Variants in STON2 observed in about 807,000 individuals in gnomAD.
STON2 encodes the protein stonin-2.
Under a neutral mutation model 65.7 loss-of-function variants are expected in STON2, and 29 were observed. The ratio of observed to expected loss-of-function variants is 0.44; its 90% CI spans 0.33 to 0.60. STON2 has a LOEUF of 0.60. STON2 is among the 20% of genes least tolerant of loss of function. STON2 has a pLI of 0.03. For synonymous variants in STON2, 404 were observed against 414.2 expected, an observed-to-expected ratio of 0.98 and a Z score of 0.30; for missense variants, 1,054 against 1,118.1, an observed-to-expected ratio of 0.94 and a Z score of 0.82.
chr14:81,356,820 T>C (rs1391319527), intron 4 of STON2, among the ~76,000 whole-genome samples: 2 of 152,092 alleles, frequency 1.3e-5, no homozygotes, highest in Non-Finnish European at 2.9e-5. Context: ...TATTCTCTGA[T>C]GGTAGTTTGT....
intron 4 of STON2, among the ~76,000 whole-genome samples, chr14:81,367,854 A>G (rs1566929672): frequency 6.6e-6 from 1 of 152,328 alleles, no homozygotes; most frequent in East Asian, 1.9e-4. Context: ...GTCAAAGCAG[A>G]TGGAAGCATT....
chr14:81,405,178 GC>G (rs1900787604), upstream of STON2, among the ~76,000 whole-genome samples: 1 of 151,978 alleles, frequency 6.6e-6, no homozygotes, highest in African/African-American at 2.4e-5. Context: ...GTGTTTTTCT[GC>G]CCCTTTTCCA....
intron 4 of STON2, among the ~76,000 whole-genome samples, chr14:81,356,962 C>T (rs1898265229): frequency 6.6e-6 from 1 of 152,062 alleles, no homozygotes; most frequent in Non-Finnish European, 1.5e-5. Context: ...AAAACCAGCT[C>T]CATTACCATT....
chr14:81,265,910 T>TG lies in STON2; in HGVS notation c.*2503dup. Reference sequence around the variant, plus strand: ...GCTAAGCGTGAGTGACTAAGGAAGGTGCTGGGATGAGCTTCATTTCCCTTG... The same window carrying TG: ...GCTAAGCGTGAGTGACTAAGGAAGGTGGCTGGGATGAGCTTCATTTCCCTTG... On this transcript the variant is annotated 3_prime_UTR_variant, in exon 8 of 8. Transcript: ENST00000614646. 1.0e-6 allele frequency: 1 copy of TG among 985,296 alleles called. No homozygotes were observed. Among genetic ancestry groups the TG allele is most frequent in the Non-Finnish European group, 1.2e-6 (1 of 829,906 alleles). 61.0% of individuals were successfully genotyped at this position (985,296 alleles called of 1,614,324 possible).
intron 4 of STON2, chr14:81,333,357 T>A (rs1424983096): frequency 2.0e-6 from 1 of 503,716 alleles, no homozygotes; most frequent in Non-Finnish European, 3.6e-6. Context: ...TACCATGTCA[T>A]TCATGATGGC....
At chr14:81,402,208 G>C (rs531411262), upstream of STON2, among the ~76,000 whole-genome samples, 3 of 152,290 alleles carry the variant, frequency 2.0e-5, no homozygotes, top group South Asian at 6.2e-4. Flanking sequence ...GCCTTCCTCA[G>C]ACAGTGCTGG....
chr14:81,383,837 C>G (rs530964394), intron 3 of STON2, among the ~76,000 whole-genome samples: 55 of 152,280 alleles, frequency 3.6e-4, no homozygotes, highest in African/African-American at 1.3e-3. Context: ...CAGGCCACAC[C>G]TCAGTTCAAA....
intron 4 of STON2, among the ~76,000 whole-genome samples, chr14:81,346,490 C>T (rs889468764): frequency 6.6e-6 from 1 of 152,106 alleles, no homozygotes; most frequent in African/African-American, 2.4e-5. Flanking sequence ...AGTCAAGAGA[C>T]TTTCTATAGC....
At chr14:81,333,921 C>T (rs1050825499) in intron 4 of STON2, among the ~76,000 whole-genome samples, 17 of 152,170 alleles carry the variant, frequency 1.1e-4, no homozygotes, top group African/African-American at 4.1e-4. Flanking sequence ...ATTTGTACAC[C>T]TGTTCTGAAA....
At chr14:81,292,474 T>C (rs1895595907) in intron 5 of STON2, among the ~76,000 whole-genome samples, 1 of 152,202 alleles carries the variant, frequency 6.6e-6, no homozygotes, top group South Asian at 2.1e-4. Flanking sequence ...GTTAACTGAA[T>C]GATGGGGGCA....
intron 4 of STON2, among the ~76,000 whole-genome samples, chr14:81,349,184 G>C (rs1897930881): frequency 6.6e-6 from 1 of 152,106 alleles, no homozygotes; most frequent in Admixed American, 6.5e-5. Context: ...TCTAGGCAAA[G>C]ATTTTATGGC....
At chr14:81,275,573 A>C (rs1304052465) in intron 6 of STON2, among the ~76,000 whole-genome samples, 1 of 152,166 alleles carries the variant, frequency 6.6e-6, no homozygotes, top group South Asian at 2.1e-4. Flanking sequence ...CACCAGCAGA[A>C]GACAGTGCTG....
At chr14:81,340,349 G>A (rs138328378) in intron 4 of STON2, among the ~76,000 whole-genome samples, 29 of 152,228 alleles carry the variant, frequency 1.9e-4, no homozygotes, top group South Asian at 1.5e-3. Context: ...GAACTATTGG[G>A]GTTAGTGGAT....
chr14:81,413,347 G>A (rs61741062), intron 2 of STON2: 8,985 of 869,796 alleles, frequency 0.01, 1,778 homozygotes, highest in South Asian at 0.098. Context: ...GGAACACCTC[G>A]ATGTTCGAAC....
chr14:81,305,077 T>G (rs1896118916), intron 5 of STON2, among the ~76,000 whole-genome samples: 1 of 152,262 alleles, frequency 6.6e-6, no homozygotes, highest in South Asian at 2.1e-4. Context: ...GTTCTCTTTA[T>G]GTTCATGAGA....
intron 2 of STON2, among the ~76,000 whole-genome samples, chr14:81,409,058 G>T (rs1485837248): frequency 6.6e-6 from 1 of 152,076 alleles, no homozygotes; most frequent in African/African-American, 2.4e-5. Flanking sequence ...ATATTTTAGA[G>T]CCATATATAA....
chr14:81,333,440 C>T (rs1416543396), intron 4 of STON2: 2 of 310,234 alleles, frequency 6.4e-6, no homozygotes, highest in Non-Finnish European at 1.2e-5. Context: ...GTCTTCTCAA[C>T]AACCCTATGA....
chr14:81,427,888 G>C lies in STON2; in HGVS notation c.-309-676C>G, dbSNP rs1285061390. ...TAGAGCACATTTCCTTTTGCTTCCA[G>C]ATACCACAGTGACTCAGGGCATAGC... On this transcript the variant is annotated intron_variant, in intron 1 of 8. Coordinates refer to the STON2 transcript ENST00000553821. Among the ~76,000 whole-genome samples, 9 of 152,230 alleles carry C rather than the reference G, an allele frequency of 5.9e-5. No individual in the cohort carries two copies. In the East Asian group the frequency reaches 1.7e-3, roughly 29 times the overall value.
intron 2 of STON2, among the ~76,000 whole-genome samples, chr14:81,419,041 T>A (rs980329696): frequency 7.0e-6 from 1 of 143,304 alleles, no homozygotes; most frequent in Non-Finnish European, 1.5e-5. Context: ...CTTTCTAAGC[T>A]CTACAAATTA....
Sources: allele counts gnomAD v4.1 joint callset (sites outside exome capture counted in the v4.1 genomes callset), GRCh38; gene constraint gnomAD v4.1.1; transcripts MANE v1.5; gene names NCBI Gene and HGNC (gene_info 2026-07-23, HGNC 2026-07-21).